The following AKAP9 variants were observed in gnomAD, a reference collection of about 807,000 sequenced individuals.
AKAP9 encodes the protein A-kinase anchoring protein 9, also known as A-kinase anchor protein 9.
A neutral mutation model predicts 488.5 loss-of-function variants in AKAP9; 311 were observed. The ratio of observed to expected loss-of-function variants is 0.64; its 90% confidence interval spans 0.58 to 0.70. The LOEUF is 0.70. Among genes scored for constraint, AKAP9 ranks in the 30% least tolerant of loss-of-function variants. The pLI is 0.00. For synonymous variants in AKAP9, 1,462 were observed against 1,483.5 expected (o/e 0.99, Z 0.33); for missense variants, 4,215 against 4,374.5 (o/e 0.96, Z 1.03).
At position 91,962,298 on chromosome 7, in the gene AKAP9, A is replaced by G. The variant is rs578239857; in HGVS notation, c.49-11413A>G. Among the ~76,000 whole-genome samples, 4 of 152,278 alleles carry G rather than the reference A, an allele frequency of 2.6e-5. No individual in the cohort carries two copies. The South Asian group carries it at 8.3e-4, about 32-fold the overall frequency. On this transcript the variant is annotated intron_variant, in intron 1 of 49. Coordinates refer to ENST00000356239, the MANE Select transcript of AKAP9 (RefSeq NM_005751.5). Reference sequence around the variant, plus strand: ...CAAACAGAACTCTTGCTAAAAAGTTATTGTAGATATTATTTTTCTGAGAAT... The same window carrying G: ...CAAACAGAACTCTTGCTAAAAAGTTGTTGTAGATATTATTTTTCTGAGAAT...
intron 3 of AKAP9, among the ~76,000 whole-genome samples, chr7:91,985,228 C>T (rs1376191108): frequency 2.6e-5 from 4 of 152,136 alleles, no homozygotes; most frequent in Non-Finnish European, 4.4e-5. Flanking sequence ...TTTGCCCATT[C>T]AGTATGATAT....
chr7:92,036,518 C>A (rs1805228333), intron 16 of AKAP9, among the ~76,000 whole-genome samples: 1 of 152,058 alleles, frequency 6.6e-6, no homozygotes. Flanking sequence ...TGAATCTTGG[C>A]AGTGGTATCT....
chr7:92,018,050 G>A (rs1006185832), intron 12 of AKAP9, among the ~76,000 whole-genome samples: 18 of 152,170 alleles, frequency 1.2e-4, no homozygotes, highest in Non-Finnish European at 2.5e-4. Flanking sequence ...CATTAACTTA[G>A]CTAATAAAAT....
Position 92,045,041 on chromosome 7 carries a change from GA to G in AKAP9, c.5198del (p.Lys1733ArgfsTer4). 1 of 1,613,320 alleles carries G rather than the reference GA, an allele frequency of 6.2e-7. No individual in the cohort carries two copies. Among genetic ancestry groups the G allele is most frequent in the Non-Finnish European group, 8.5e-7 (1 of 1,179,536 alleles). On this transcript the variant is annotated frameshift_variant, in exon 21 of 50. Coordinates refer to ENST00000356239, the MANE Select transcript of AKAP9 (RefSeq NM_005751.5). LOFTEE classifies it high-confidence loss of function. ...ALQKANNRLL[K>X]ILLEVVKTTA... is the part of the protein sequence containing the mutation. ...TCCAGAAAGCTAATAATAGACTTTT[GA>G]AGATCCTCTTAGAAGTTGTAAAGAC...
chr7:92,037,327 C>G (rs533135805), intron 16 of AKAP9, among the ~76,000 whole-genome samples: 16 of 152,202 alleles, frequency 1.1e-4, no homozygotes, highest in Middle Eastern at 3.4e-3. Flanking sequence ...GCACAGGAAC[C>G]AGGTGGGAAT....
intron 7 of AKAP9, among the ~76,000 whole-genome samples, chr7:91,999,842 T>G (rs376776808): frequency 6.9e-6 from 1 of 144,900 alleles, no homozygotes; most frequent in South Asian, 2.2e-4. Flanking sequence ...TTGACATTTC[T>G]TCTTTAGTTA....
At chr7:91,964,197 A>G (rs1427739620) in intron 1 of AKAP9, among the ~76,000 whole-genome samples, 1 of 152,192 alleles carries the variant, frequency 6.6e-6, no homozygotes, top group African/African-American at 2.4e-5. Flanking sequence ...TACAAGTACA[A>G]TGTTATTAAA....
intron 45 of AKAP9, among the ~76,000 whole-genome samples, chr7:92,101,982 C>G (rs1331879454): frequency 1.3e-5 from 2 of 151,690 alleles, no homozygotes; most frequent in African/African-American, 4.8e-5. Context: ...ATGGTGAAAT[C>G]CCATCTCTAC....
In AKAP9 at chr7:92,002,240, G is replaced by T. The variant is rs1437671599; in HGVS notation, c.2323G>T (p.Ala775Ser). The T allele has an allele frequency of 6.3e-7, 1 of 1,597,028 alleles. No individual in the cohort carries two copies. Among genetic ancestry groups the T allele is most frequent in the Non-Finnish European group, 8.5e-7 (1 of 1,175,790 alleles). Residue 775 changes from alanine (A) to serine (S), a missense_variant, in exon 8 of 50, where the codon GCA becomes TCA. Coordinates refer to ENST00000356239, the MANE Select transcript of AKAP9 (RefSeq NM_005751.5). ...DLQEKFAQLE[A>S]ENSILKDEKK... ...TCAAGAAAAATTTGCACAACTTGAA[G>T]CAGAGAATAGCATTCTTAAAGATGA...
At position 91,994,725 on chromosome 7, in the gene AKAP9, A is replaced by G; in HGVS notation, c.681A>G (p.Glu227=). Reference sequence around the variant, plus strand: ...GAGAAAAGGATGAGACAATGAGAGAATTTTTAGAGTTGACAGAACAGAGTC... The same window carrying G: ...GAGAAAAGGATGAGACAATGAGAGAGTTTTTAGAGTTGACAGAACAGAGTC... ...ARREKDETMR[E]FLELTEQSQK... is the part of the protein sequence containing the mutation. Residue 227 remains glutamate, a synonymous_variant, in exon 6 of 50, where the codon GAA becomes GAG. Transcript: ENST00000356239. 6.2e-7 allele frequency: 1 copy of G among 1,613,312 alleles called. No homozygotes were observed. Among genetic ancestry groups the G allele is most frequent in the Non-Finnish European group, 8.5e-7 (1 of 1,179,630 alleles).
chr7:92,075,260 G>T (rs181678237), intron 28 of AKAP9, among the ~76,000 whole-genome samples: 1 of 152,126 alleles, frequency 6.6e-6, no homozygotes, highest in African/African-American at 2.4e-5. Flanking sequence ...AGGAAATTTC[G>T]TATGAGATAG....
At chr7:92,018,392 TATAACACAC>T (rs1325538134) in intron 12 of AKAP9, among the ~76,000 whole-genome samples, 1 of 98,630 alleles carries the variant, frequency 1.0e-5, no homozygotes, top group African/African-American at 3.8e-5. Flanking sequence ...TTTCTAAAAA[TATAACACAC>T]ACACACACAC....
intron 28 of AKAP9, among the ~76,000 whole-genome samples, chr7:92,071,843 G>C (rs1433196127): frequency 6.6e-6 from 1 of 152,108 alleles, no homozygotes; most frequent in Non-Finnish European, 1.5e-5. Flanking sequence ...CTGTAGATTA[G>C]AGGAGAAAAA....
At chr7:91,979,438 C>A (rs923875291) in intron 2 of AKAP9, among the ~76,000 whole-genome samples, 1 of 152,106 alleles carries the variant, frequency 6.6e-6, no homozygotes, top group African/African-American at 2.4e-5. Context: ...CCCACCAGGT[C>A]TCTCCCAAAA....
At chr7:91,999,171 A>G (rs1157642131) in intron 7 of AKAP9, among the ~76,000 whole-genome samples, 2 of 152,186 alleles carry the variant, frequency 1.3e-5, no homozygotes, top group African/African-American at 2.4e-5. Flanking sequence ...TCCCCTGTCA[A>G]CTGAGACGAG....
At chr7:91,951,640 G>A (rs1263931101) in intron 1 of AKAP9, among the ~76,000 whole-genome samples, 3 of 152,064 alleles carry the variant, frequency 2.0e-5, no homozygotes, top group African/African-American at 4.8e-5. Context: ...TCTCTTTTCT[G>A]TCTCATGTAT....
At chr7:92,031,462 G>A (rs1163239232) in intron 15 of AKAP9, 50 bp from the exon 16 acceptor site, 4 of 1,268,542 alleles carry the variant, frequency 3.2e-6, no homozygotes, top group East Asian at 4.7e-5. Context: ...TTAAAAATAA[G>A]TGGTGTATAA....
chr7:92,011,364 C>T (rs1800717853), intron 8 of AKAP9, among the ~76,000 whole-genome samples: 1 of 152,126 alleles, frequency 6.6e-6, no homozygotes, highest in South Asian at 2.1e-4. Context: ...TTATAAAACA[C>T]TGAAGCATGT....
At chr7:92,067,093 T>C (rs1450291236) in intron 26 of AKAP9, among the ~76,000 whole-genome samples, 1 of 152,208 alleles carries the variant, frequency 6.6e-6, no homozygotes, top group Non-Finnish European at 1.5e-5. Flanking sequence ...CACTGGTCTC[T>C]CTCCTCTAGT....
Sources: allele counts gnomAD v4.1 joint callset (sites outside exome capture counted in the v4.1 genomes callset), GRCh38; gene constraint gnomAD v4.1.1; transcripts MANE v1.5; gene names NCBI Gene and HGNC (gene_info 2026-07-23, HGNC 2026-07-21).